The following PPP3R1 variants were observed in gnomAD, a reference collection of about 807,000 sequenced individuals.
PPP3R1 encodes calcineurin subunit B type 1.
Under a neutral mutation model 22.6 loss-of-function variants are expected in PPP3R1, and 5 were observed. The ratio of observed to expected loss-of-function variants is 0.22; its 90% CI spans 0.12 to 0.46. The LOEUF (loss-of-function observed/expected upper bound fraction) is 0.46. Ranked by LOEUF, PPP3R1 falls within the 20% of genes least tolerant of loss-of-function variation. The probability of loss-of-function intolerance (pLI) is 0.99; values close to 1 mark genes in which losing one functional copy is unlikely to be tolerated. For missense variants in PPP3R1, 61 were observed against 203.2 expected, an observed-to-expected ratio of 0.30 and a Z score of 4.25; for synonymous variants, 56 against 65.2, an observed-to-expected ratio of 0.86 and a Z score of 0.68.
chr2:68,235,802 C>T (rs1670008991), intron 1 of PPP3R1, among the ~76,000 whole-genome samples: 1 of 152,204 alleles, frequency 6.6e-6, no homozygotes, highest in Admixed American at 6.5e-5. Flanking sequence ...TAAACATTTA[C>T]ATTCCCACCA....
intron 2 of PPP3R1, among the ~76,000 whole-genome samples, chr2:68,208,390 G>A (rs935160909): frequency 2.0e-5 from 3 of 152,064 alleles, no homozygotes; most frequent in Non-Finnish European, 2.9e-5. Flanking sequence ...TTGACCATAC[G>A]GTCTCTGTTG....
intron 1 of PPP3R1, among the ~76,000 whole-genome samples, chr2:68,247,202 C>G (rs1670254738): frequency 6.6e-6 from 1 of 152,200 alleles, no homozygotes; most frequent in Non-Finnish European, 1.5e-5. Flanking sequence ...ATCCATCTGC[C>G]TCGGCCTCCC....
At chr2:68,235,873 T>C (rs1049158066) in intron 1 of PPP3R1, among the ~76,000 whole-genome samples, 10 of 152,190 alleles carry the variant, frequency 6.6e-5, no homozygotes, top group African/African-American at 2.4e-4. Flanking sequence ...TCTTTTTTGA[T>C]TATAACAATC....
chr2:68,187,446 A>G (rs1199982433), intron 3 of PPP3R1, 132 bp from the exon 4 acceptor site: 22 of 746,514 alleles, frequency 2.9e-5, no homozygotes, highest in Non-Finnish European at 4.0e-5. Flanking sequence ...ACGTTTAAAA[A>G]TAAAATTGCC....
At chr2:68,226,573 T>C (rs1240664913) in intron 1 of PPP3R1, among the ~76,000 whole-genome samples, 2 of 152,174 alleles carry the variant, frequency 1.3e-5, no homozygotes, top group Non-Finnish European at 2.9e-5. Flanking sequence ...TCTTACAGAA[T>C]CATGAGACAC....
At chr2:68,219,987 T>C (rs1247755875) in intron 1 of PPP3R1, among the ~76,000 whole-genome samples, 1 of 152,140 alleles carries the variant, frequency 6.6e-6, no homozygotes, top group Non-Finnish European at 1.5e-5. Context: ...CATCTGCCCA[T>C]GGGGGAGAAA....
chr2:68,221,153 G>A (rs575926550), intron 1 of PPP3R1, among the ~76,000 whole-genome samples: 1 of 152,178 alleles, frequency 6.6e-6, no homozygotes, highest in South Asian at 2.1e-4. Context: ...TCAACATGGT[G>A]AAATCTGTCT....
rs555882870 is a variant in PPP3R1 at position 68,203,457 on chromosome 2, C to T, written c.43+13635G>A. Among the ~76,000 whole-genome samples the T allele has an allele frequency of 4.6e-5, 7 of 152,102 alleles. No individual in the cohort carries two copies. The East Asian group carries it at 1.2e-3, about 25-fold the overall frequency. ...TCTCTAATACAAATACAAAATTAAC[C>T]AGGTGTGGTGGCACATGCTTGTAAT... On this transcript the variant is annotated intron_variant, in intron 2 of 5. Transcript: ENST00000234310.
At chr2:68,228,940 T>A (rs1669834288) in intron 1 of PPP3R1, among the ~76,000 whole-genome samples, 1 of 152,134 alleles carries the variant, frequency 6.6e-6, no homozygotes, top group Admixed American at 6.5e-5. Flanking sequence ...ATTTTCCAGG[T>A]ATCTATTATT....
intron 1 of PPP3R1, among the ~76,000 whole-genome samples, chr2:68,249,294 G>GT (rs1670292568): frequency 9.6e-5 from 14 of 146,532 alleles, no homozygotes; most frequent in Admixed American, 9.3e-4. Context: ...CTGGTCATAA[G>GT]ACAGGTTTTT....
Position 68,252,158 on chromosome 2 carries a change from C to T in PPP3R1, c.-31G>A, listed in dbSNP as rs778979513. On this transcript the variant is annotated 5_prime_UTR_variant, in exon 1 of 6. Transcript: ENST00000234310. ...TCGGCGGGTCGGCGGCTCGCTGGCTCGCTGGCTCGGAGAAGTGTTGCGCTC... is the reference window on the plus strand; with the variant it reads ...TCGGCGGGTCGGCGGCTCGCTGGCTTGCTGGCTCGGAGAAGTGTTGCGCTC... 2 of 1,409,082 alleles carry T rather than the reference C, an allele frequency of 1.4e-6. No homozygotes were observed. Among genetic ancestry groups the T allele is most frequent in the East Asian group, 3.2e-5 (1 of 31,008 alleles). 87.3% of individuals were successfully genotyped at this position (1,409,082 alleles called of 1,614,324 possible). A position where few individuals can be genotyped will look rare whatever the true frequency, so the allele number is the denominator to read the frequency against.
intron 2 of PPP3R1, among the ~76,000 whole-genome samples, chr2:68,215,419 T>G (rs138332298): frequency 6.6e-6 from 1 of 152,238 alleles, no homozygotes; most frequent in East Asian, 1.9e-4. Flanking sequence ...GGAAGCCGCA[T>G]AGTAAATTTG....
intron 1 of PPP3R1, among the ~76,000 whole-genome samples, chr2:68,231,365 CT>C (rs796567085): frequency 0.01 from 1,505 of 149,422 alleles, 17 homozygotes; most frequent in African/African-American, 0.035. Flanking sequence ...AGTTTTCTTT[CT>C]TTTTTTTTTC....
intron 1 of PPP3R1, among the ~76,000 whole-genome samples, chr2:68,239,875 G>C (rs1670085917): frequency 6.6e-6 from 1 of 152,198 alleles, no homozygotes; most frequent in South Asian, 2.1e-4. Context: ...AGAGTACACA[G>C]ATGGTCGCTA....
At chr2:68,208,026 G>T (rs1254483508) in intron 2 of PPP3R1, among the ~76,000 whole-genome samples, 4 of 152,042 alleles carry the variant, frequency 2.6e-5, no homozygotes, top group Admixed American at 2.6e-4. Context: ...CGTGGTGGTG[G>T]GTGCCTGTAA....
At chr2:68,251,296 G>C (rs1314293226) in intron 1 of PPP3R1, 1 of 152,078 alleles carries the variant, frequency 6.6e-6, no homozygotes, top group Non-Finnish European at 1.5e-5. Context: ...ATTAATGTGA[G>C]GGTAAGGAAA....
At chr2:68,186,395 TTC>T (rs1218952356) in intron 5 of PPP3R1, 71 bp downstream of exon 5, 1 of 1,386,680 alleles carries the variant, frequency 7.2e-7, no homozygotes, top group African/African-American at 1.5e-5. Context: ...AATATGGAAA[TTC>T]TCTATTAAGT....
At chr2:68,216,891 A>T (rs1398980887) in intron 2 of PPP3R1, among the ~76,000 whole-genome samples, 3 of 152,020 alleles carry the variant, frequency 2.0e-5, no homozygotes, top group Non-Finnish European at 4.4e-5. Flanking sequence ...AAGTCTATTT[A>T]AAAAAATGTT....
At chr2:68,252,079 C>A in intron 1 of PPP3R1, 46 bp downstream of exon 1, 1 of 1,387,064 alleles carries the variant, frequency 7.2e-7, no homozygotes, top group Admixed American at 2.2e-5. Context: ...ACCCGGACGG[C>A]GGCAGTAGGG....
Sources: gnomAD v4.1 joint callset for allele counts (sites outside exome capture counted in the v4.1 genomes callset) on GRCh38, gnomAD v4.1.1 for gene constraint, MANE v1.5 for transcripts, NCBI Gene and HGNC (gene_info 2026-07-23, HGNC 2026-07-21) for gene names.